SLC24A2: variants seen among roughly 807,000 people sequenced by gnomAD.
SLC24A2 encodes sodium/potassium/calcium exchanger 2.
SLC24A2 carries 36 observed loss-of-function variants against 62.0 expected under a neutral mutation model. The ratio of observed to expected loss-of-function variants is 0.58; its 90% confidence interval spans 0.44 to 0.77. The LOEUF (loss-of-function observed/expected upper bound fraction) is 0.77. Among genes scored for constraint, SLC24A2 ranks in the 30% least tolerant of loss-of-function variants. SLC24A2 has a pLI of 0.00. For synonymous variants in SLC24A2, 358 were observed against 294.0 expected (o/e 1.22, Z -2.23); for missense variants, 846 against 817.9 (o/e 1.03, Z -0.42).
the SLC24A2 span, among the ~76,000 whole-genome samples, chr9:20,133,815 T>C: frequency 5.9e-5 from 9 of 152,104 alleles, no homozygotes; most frequent in Non-Finnish European, 5.9e-5. Context: ...GCCTAAGATA[T>C]AGTGAAGAGA....
At chr9:20,108,837 TTAAAG>T in the SLC24A2 span, among the ~76,000 whole-genome samples, 4 of 151,872 alleles carry the variant, frequency 2.6e-5, no homozygotes, top group Non-Finnish European at 4.4e-5. Context: ...TCCCTAAAGC[TTAAAG>T]TATAGTAATA....
At chr9:20,293,582 C>A in the SLC24A2 span, among the ~76,000 whole-genome samples, 1 of 152,184 alleles carries the variant, frequency 6.6e-6, no homozygotes, top group African/African-American at 2.4e-5. Flanking sequence ...TCACTCTGGT[C>A]AAAGGGGATG....
chr9:19,976,745 TG>T, the SLC24A2 span, among the ~76,000 whole-genome samples: 2 of 152,342 alleles, frequency 1.3e-5, no homozygotes, highest in African/African-American at 4.8e-5. Flanking sequence ...TTTTGGTATC[TG>T]CAGGGGTCCT....
chr9:19,964,136 G>T, the SLC24A2 span, among the ~76,000 whole-genome samples: 1 of 145,792 alleles, frequency 6.9e-6, no homozygotes. Flanking sequence ...ACCAAACACC[G>T]CATGTTCTCA....
chr9:19,614,484 G>A (rs934770112), intron 4 of SLC24A2, among the ~76,000 whole-genome samples: 3 of 152,170 alleles, frequency 2.0e-5, no homozygotes, highest in African/African-American at 4.8e-5. Context: ...AATAAACAAT[G>A]TATGTCACTG....
chr9:20,178,040 A>C, the SLC24A2 span, among the ~76,000 whole-genome samples: 1 of 152,122 alleles, frequency 6.6e-6, no homozygotes, highest in African/African-American at 2.4e-5. Flanking sequence ...TGACTGTATC[A>C]CTTACAGCAT....
At chr9:19,980,499 GT>G in the SLC24A2 span, among the ~76,000 whole-genome samples, 1 of 152,104 alleles carries the variant, frequency 6.6e-6, no homozygotes. Context: ...AAAGACAAAA[GT>G]AAGTCTTTCT....
the SLC24A2 span, among the ~76,000 whole-genome samples, chr9:20,209,814 A>T: frequency 6.6e-6 from 1 of 152,202 alleles, no homozygotes; most frequent in Non-Finnish European, 1.5e-5. Flanking sequence ...ATCAATAGAA[A>T]CCACATCAAG....
chr9:20,016,165 T>G, the SLC24A2 span, among the ~76,000 whole-genome samples: 1 of 152,186 alleles, frequency 6.6e-6, no homozygotes, highest in Non-Finnish European at 1.5e-5. Context: ...ATATAATACT[T>G]CCCCTTCCAA....
intron 2 of SLC24A2, among the ~76,000 whole-genome samples, chr9:19,718,526 G>A (rs1168427778): frequency 2.8e-5 from 4 of 143,680 alleles, no homozygotes; most frequent in Non-Finnish European, 1.5e-5. Flanking sequence ...GCCCAGGCTG[G>A]TCTCGAAATC....
At chr9:19,768,905 T>G (rs1294770048) in intron 2 of SLC24A2, among the ~76,000 whole-genome samples, 3 of 152,186 alleles carry the variant, frequency 2.0e-5, no homozygotes, top group African/African-American at 7.2e-5. Context: ...TTCAATGCTA[T>G]GAATCCCAGG....
intron 2 of SLC24A2, among the ~76,000 whole-genome samples, chr9:19,684,621 T>C (rs1158023134): frequency 2.0e-5 from 3 of 152,098 alleles, no homozygotes; most frequent in Admixed American, 6.6e-5. Flanking sequence ...GAGTTTCATC[T>C]AGACTTGTTG....
chr9:20,151,834 C>T, the SLC24A2 span, among the ~76,000 whole-genome samples: 2 of 151,644 alleles, frequency 1.3e-5, no homozygotes, highest in Non-Finnish European at 2.9e-5. Context: ...CTACTAGATC[C>T]CCCAAATTGG....
the SLC24A2 span, among the ~76,000 whole-genome samples, chr9:20,018,129 A>G: frequency 5.1e-3 from 782 of 152,074 alleles, 7 homozygotes; most frequent in African/African-American, 0.018. Context: ...TTGTATTTTT[A>G]GTAGAGATGG....
the SLC24A2 span, among the ~76,000 whole-genome samples, chr9:20,150,759 A>G: frequency 2.6e-5 from 4 of 152,066 alleles, no homozygotes; most frequent in East Asian, 7.7e-4. Flanking sequence ...AAGTTATACA[A>G]CTATTTAAAA....
At chr9:19,982,746 C>G in the SLC24A2 span, among the ~76,000 whole-genome samples, 1 of 152,078 alleles carries the variant, frequency 6.6e-6, no homozygotes, top group African/African-American at 2.4e-5. Context: ...AAACCAATAT[C>G]CCTTATGATT....
chr9:19,745,712 G>C (rs1213536645), intron 2 of SLC24A2, among the ~76,000 whole-genome samples: 1 of 152,080 alleles, frequency 6.6e-6, no homozygotes, highest in Non-Finnish European at 1.5e-5. Flanking sequence ...GACCTGCATT[G>C]ATATAACACT....
At chr9:19,977,182 C>T in the SLC24A2 span, among the ~76,000 whole-genome samples, 1 of 149,234 alleles carries the variant, frequency 6.7e-6, no homozygotes, top group African/African-American at 2.5e-5. Context: ...TTATAAATTG[C>T]ATCAGGCAAA....
the SLC24A2 span, among the ~76,000 whole-genome samples, chr9:19,999,511 A>C: frequency 2.0e-5 from 3 of 152,218 alleles, no homozygotes; most frequent in African/African-American, 7.2e-5. Context: ...AATGATTTAC[A>C]ATAAATACTC....
Sources: allele counts gnomAD v4.1 joint callset (sites outside exome capture counted in the v4.1 genomes callset), GRCh38; gene constraint gnomAD v4.1.1; transcripts MANE v1.5; gene names NCBI Gene and HGNC (gene_info 2026-07-23, HGNC 2026-07-21).